The following NFE2L3 variants were observed in gnomAD, a reference collection of about 807,000 sequenced individuals.
The protein encoded by NFE2L3 is NFE2 like bZIP transcription factor 3.
In NFE2L3, 18 loss-of-function variants were observed where a neutral mutation model predicts 23.5. That is an observed-to-expected ratio of 0.77 (90% confidence interval 0.53 to 1.13). NFE2L3 has a LOEUF of 1.13. Ranked by LOEUF, NFE2L3 falls within the 50% of genes most tolerant of loss-of-function variation. NFE2L3 has a pLI of 0.00. For synonymous variants in NFE2L3, 424 were observed against 354.5 expected (o/e 1.20, Z -2.20); for missense variants, 1,152 against 877.2 (o/e 1.31, Z -3.96).
chr7:26,179,867 C>T (rs965145535), intron 2 of NFE2L3, among the ~76,000 whole-genome samples: 1 of 152,078 alleles, frequency 6.6e-6, no homozygotes, highest in East Asian at 1.9e-4. Flanking sequence ...AAATATTATA[C>T]AACTCTTTGT....
Position 26,187,071 on chromosome 7 carries a change from A to T in NFE2L3, c.*1288A>T, listed in dbSNP as rs1470505237. ...CACATAAGTATCTTGGGCTAGAGAA[A>T]TGCAGTTTATATATACCGTTGGATT... is the stretch of plus-strand genomic sequence containing the variant. On this transcript the variant is annotated 3_prime_UTR_variant, in exon 4 of 4. Coordinates refer to ENST00000056233, the MANE Select transcript of NFE2L3 (RefSeq NM_004289.7). 1 of 152,232 alleles carries T rather than the reference A, an allele frequency of 6.6e-6. No homozygotes were observed. The highest frequency in any genetic ancestry group is 1.5e-5 in the Non-Finnish European group (1 of 68,046). The allele number at this position is 152,232 out of a possible 1,614,324, so 9.4% of individuals were successfully genotyped here. A position where few individuals can be genotyped will look rare whatever the true frequency, so the allele number is the denominator to read the frequency against.
rs148131478 is a variant in NFE2L3, at chr7:26,159,887, A to G, written c.570+6819A>G. Among the ~76,000 whole-genome samples the G allele has an allele frequency of 1.7e-3, 255 of 152,280 alleles. 1 individual carries two copies. Among genetic ancestry groups the G allele is most frequent in the African/African-American group, 6.0e-3 (250 of 41,558 alleles). ...ACTATAAAACTTCAAAGGTAAAAAC[A>G]AAAGTCTGTCTCGTTCATGGCAGCC... is the stretch of plus-strand genomic sequence containing the variant. On this transcript the variant is annotated intron_variant, in intron 1 of 3. Coordinates refer to ENST00000056233, the MANE Select transcript of NFE2L3 (RefSeq NM_004289.7).
At chr7:26,179,499 C>CAAA (rs201128349) in intron 2 of NFE2L3, among the ~76,000 whole-genome samples, 1 of 96,632 alleles carries the variant, frequency 1.0e-5, no homozygotes, top group Non-Finnish European at 2.2e-5. Flanking sequence ...GACCCTGTCT[C>CAAA]AAAAAAAAAA....
Position 26,186,789 on chromosome 7 carries a change from G to A in NFE2L3, c.*1006G>A, listed in dbSNP as rs928450000. ...AAAAGCGATTAAGGGAAAAAAAACA[G>A]GTGAATTTGAAAATAAACCAGGGTA... On this transcript the variant is annotated 3_prime_UTR_variant, in exon 4 of 4. Coordinates refer to ENST00000056233, the MANE Select transcript of NFE2L3 (RefSeq NM_004289.7). The A allele has an allele frequency of 3.9e-5, 6 of 152,070 alleles. No homozygotes were observed. Among genetic ancestry groups the A allele is most frequent in the African/African-American group, 1.4e-4 (6 of 41,414 alleles). 9.4% of individuals were successfully genotyped at this position (152,070 alleles called of 1,614,324 possible). A position where few individuals can be genotyped will look rare whatever the true frequency, so the allele number is the denominator to read the frequency against.
At position 26,184,969 on chromosome 7, in the gene NFE2L3, ATTC is replaced by A. The variant is rs772251713; in HGVS notation, c.1272_1274del (p.Asp424_Ser425delinsGlu). On this transcript the variant is annotated inframe_deletion, in exon 4 of 4. Transcript: ENST00000056233. ...GATTCTGATTCTGGCCTTTCTTTAGATTCAAGTCACAATAATACCTCTGTCATC... is the reference window on the plus strand; with the variant it reads ...GATTCTGATTCTGGCCTTTCTTTAGAAAGTCACAATAATACCTCTGTCATC... 1.9e-6 allele frequency: 3 copies of A among 1,613,872 alleles called. No homozygotes were observed. The highest frequency in any genetic ancestry group is 2.5e-6 in the Non-Finnish European group (3 of 1,179,836).
At chr7:26,175,972 A>G (rs1784398239) in intron 1 of NFE2L3, among the ~76,000 whole-genome samples, 2 of 151,248 alleles carry the variant, frequency 1.3e-5, no homozygotes, top group Admixed American at 6.6e-5. Flanking sequence ...CACGTGAACA[A>G]AGGTCTCTGG....
At chr7:26,181,553 CCAAGAGAAAGTACAGT>C (rs1280840941) in intron 2 of NFE2L3, among the ~76,000 whole-genome samples, 2 of 152,052 alleles carry the variant, frequency 1.3e-5, no homozygotes, top group African/African-American at 4.8e-5. Context: ...GAATCCTCGG[CCAAGAGAAAGTACAGT>C]CTGGAAAATG....
intron 1 of NFE2L3, 30 bp downstream of exon 1, chr7:26,153,098 GCGGCGT>G (rs1784025186): frequency 6.7e-7 from 1 of 1,503,736 alleles, no homozygotes; most frequent in Non-Finnish European, 8.8e-7. Context: ...CGAGCGAAGT[GCGGCGT>G]CTACGCCGCC....
At chr7:26,159,105 A>G (rs10231392) in intron 1 of NFE2L3, among the ~76,000 whole-genome samples, 4,871 of 152,100 alleles carry the variant, frequency 0.032, 275 homozygotes, top group African/African-American at 0.11. Flanking sequence ...CTAGCTCGCC[A>G]TTGCCTACTT....
Position 26,185,974 on chromosome 7 carries a change from CTGGGGGAG to C in NFE2L3, c.*192_*199del. 1 of 499,500 alleles carries C rather than the reference CTGGGGGAG, an allele frequency of 2.0e-6. No homozygotes were observed. The highest frequency in any genetic ancestry group is 3.2e-5 in the East Asian group (1 of 31,008). The allele number at this position is 499,500 out of a possible 1,614,324, so 30.9% of individuals were successfully genotyped here. A position where few individuals can be genotyped will look rare whatever the true frequency, so the allele number is the denominator to read the frequency against. ...CTTCAAGATCACACTTGTGGGCAAT[CTGGGGGAG>C]CCACAACTTTTCATGAAGTGCATTG... On this transcript the variant is annotated 3_prime_UTR_variant, in exon 4 of 4. Transcript: ENST00000056233.
intron 1 of NFE2L3, among the ~76,000 whole-genome samples, chr7:26,170,181 G>A (rs1181067588): frequency 6.6e-6 from 1 of 152,138 alleles, no homozygotes; most frequent in Non-Finnish European, 1.5e-5. Context: ...GCCCTCTAAG[G>A]AAACCAGGTT....
chr7:26,182,687 G>T (rs1040585520), intron 2 of NFE2L3, among the ~76,000 whole-genome samples: 4 of 152,052 alleles, frequency 2.6e-5, no homozygotes, highest in South Asian at 2.1e-4. Context: ...AAAGAACTCT[G>T]AAGAGTTCTT....
rs1782501407 is a variant in NFE2L3 at position 26,186,926 on chromosome 7, T to C, written c.*1143T>C. On this transcript the variant is annotated 3_prime_UTR_variant, in exon 4 of 4. Transcript: ENST00000056233. ...GAAGACAGCAATGACCTCACCTAGA[T>C]GACTCAAGTTTGGGGAACATCAAGA... 1.3e-5 allele frequency: 2 copies of C among 152,226 alleles called. No individual in the cohort carries two copies. Among genetic ancestry groups the C allele is most frequent in the African/African-American group, 2.4e-5 (1 of 41,448 alleles). The allele number at this position is 152,226 out of a possible 1,614,324, so 9.4% of individuals were successfully genotyped here.
At chr7:26,153,848 A>G (rs1320460144) in intron 1 of NFE2L3, among the ~76,000 whole-genome samples, 1 of 152,200 alleles carries the variant, frequency 6.6e-6, no homozygotes, top group African/African-American at 2.4e-5. Flanking sequence ...AGTTCAGTCT[A>G]ATGACACTTT....
intron 1 of NFE2L3, among the ~76,000 whole-genome samples, chr7:26,160,381 G>GGC (rs1420543699): frequency 6.6e-6 from 1 of 152,206 alleles, no homozygotes; most frequent in Non-Finnish European, 1.5e-5. Context: ...AAGTCACAGA[G>GGC]GCAAGACGTG....
Position 26,185,015 on chromosome 7 carries a change from C to G in NFE2L3, c.1317C>G (p.His439Gln). 6.2e-7 allele frequency: 1 copy of G among 1,613,790 alleles called. No homozygotes were observed. Among genetic ancestry groups the G allele is most frequent in the South Asian group, 1.1e-5 (1 of 91,046 alleles). The change falls in exon 4 of 4, where the codon CAC (histidine) becomes CAG (glutamine). Residue 439 changes from histidine to glutamine, a missense_variant. By Grantham distance (24) the His-to-Gln change is conservative. Transcript: ENST00000056233. ...NTSVIKSNSS[H>Q]SVCDEGAIGY... ...CTGTCATCAAGTCTAATTCCTCTCACTCTGTGTGTGATGAAGGTGCTATAG... is the reference window on the plus strand; with the variant it reads ...CTGTCATCAAGTCTAATTCCTCTCAGTCTGTGTGTGATGAAGGTGCTATAG...
chr7:26,178,151 C>A (rs1438666447), intron 2 of NFE2L3, 29 bp downstream of exon 2: 2 of 1,585,166 alleles, frequency 1.3e-6, no homozygotes, highest in Non-Finnish European at 1.7e-6. Flanking sequence ...TCAAGCCTTG[C>A]CGTTTTGGTT....
intron 1 of NFE2L3, among the ~76,000 whole-genome samples, chr7:26,175,975 GTC>G (rs1480149024): frequency 2.0e-5 from 3 of 151,210 alleles, no homozygotes; most frequent in Non-Finnish European, 4.4e-5. Context: ...GTGAACAAAG[GTC>G]TCTGGTTTTC....
At chr7:26,174,972 G>A (rs1784376991) in intron 1 of NFE2L3, 1 of 152,134 alleles carries the variant, frequency 6.6e-6, no homozygotes, top group African/African-American at 2.4e-5. Context: ...TATTTATAAA[G>A]TAAATTAAGG....
Sources: allele counts gnomAD v4.1 joint callset (sites outside exome capture counted in the v4.1 genomes callset), GRCh38; gene constraint gnomAD v4.1.1; transcripts MANE v1.5; gene names NCBI Gene and HGNC (gene_info 2026-07-23, HGNC 2026-07-21).